Variants in LINGO2 observed in about 807,000 individuals in gnomAD.
LINGO2 encodes the protein leucine-rich repeat and immunoglobulin-like domain-containing nogo receptor-interacting protein 2.
In LINGO2, 14 loss-of-function variants were observed where a neutral mutation model predicts 30.6. The observed-to-expected ratio is 0.46, with a 90% CI of 0.30 to 0.72. The LOEUF is 0.72. LINGO2 is among the 30% of genes least tolerant of loss of function. The pLI is 0.07. For synonymous variants in LINGO2, 317 were observed against 288.5 expected (o/e 1.10, Z -1.00); for missense variants, 729 against 751.7 (o/e 0.97, Z 0.35).
At chr9:28,976,848 T>A in the LINGO2 span, among the ~76,000 whole-genome samples, 1 of 152,168 alleles carries the variant, frequency 6.6e-6, no homozygotes, top group African/African-American at 2.4e-5. Flanking sequence ...AGGAATGAAA[T>A]GGTCTATCAG....
At chr9:28,467,083 T>C (rs1587713214) in intron 2 of LINGO2, among the ~76,000 whole-genome samples, 1 of 151,098 alleles carries the variant, frequency 6.6e-6, no homozygotes, top group South Asian at 2.1e-4. Context: ...TAGAGTGCAG[T>C]GGCGCCATCT....
At chr9:29,160,473 T>C in the LINGO2 span, among the ~76,000 whole-genome samples, 1 of 152,230 alleles carries the variant, frequency 6.6e-6, no homozygotes, top group Non-Finnish European at 1.5e-5. Context: ...TTTGAAATGG[T>C]CTAAAATTAA....
chr9:28,200,343 A>AG (rs1249922087), intron 4 of LINGO2, among the ~76,000 whole-genome samples: 3 of 152,136 alleles, frequency 2.0e-5, no homozygotes, highest in Non-Finnish European at 4.4e-5. Context: ...TATTACGTTT[A>AG]GGGGAAAAAA....
At chr9:28,200,602 G>A (rs1820194662) in intron 4 of LINGO2, among the ~76,000 whole-genome samples, 1 of 152,192 alleles carries the variant, frequency 6.6e-6, no homozygotes, top group African/African-American at 2.4e-5. Context: ...GCAAAGGTAT[G>A]ACTCTCATTA....
chr9:29,004,204 T>C, the LINGO2 span, among the ~76,000 whole-genome samples: 1 of 152,038 alleles, frequency 6.6e-6, no homozygotes, highest in Admixed American at 6.6e-5. Flanking sequence ...ATGCTCATTT[T>C]ACCCTTTATA....
At chr9:29,163,304 C>T in the LINGO2 span, among the ~76,000 whole-genome samples, 3 of 152,078 alleles carry the variant, frequency 2.0e-5, no homozygotes, top group Non-Finnish European at 4.4e-5. Flanking sequence ...CAGAAAAGTT[C>T]TAATTCTCCC....
the LINGO2 span, among the ~76,000 whole-genome samples, chr9:28,801,254 G>A: frequency 3.9e-5 from 6 of 152,008 alleles, no homozygotes; most frequent in Non-Finnish European, 7.4e-5. Flanking sequence ...CAAGATAGGT[G>A]GGGGCAACCT....
the LINGO2 span, among the ~76,000 whole-genome samples, chr9:28,809,460 G>C: frequency 1.3e-5 from 2 of 152,066 alleles, no homozygotes; most frequent in Non-Finnish European, 2.9e-5. Context: ...AAAAATGCTA[G>C]GATGGCTGGG....
chr9:28,962,325 A>C, the LINGO2 span, among the ~76,000 whole-genome samples: 1 of 152,100 alleles, frequency 6.6e-6, no homozygotes, highest in Admixed American at 6.6e-5. Context: ...ATTTAAAACT[A>C]AATAATTTAT....
chr9:28,731,249 A>G, the LINGO2 span, among the ~76,000 whole-genome samples: 2 of 152,042 alleles, frequency 1.3e-5, no homozygotes, highest in Non-Finnish European at 2.9e-5. Context: ...TCGGCCTCCC[A>G]AGGTGTTGGG....
At chr9:29,065,785 G>A in the LINGO2 span, among the ~76,000 whole-genome samples, 8 of 151,706 alleles carry the variant, frequency 5.3e-5, no homozygotes, top group South Asian at 2.1e-4. Context: ...CCATATAAGC[G>A]GAAATTCCCT....
intron 3 of LINGO2, among the ~76,000 whole-genome samples, chr9:28,303,647 A>C (rs1164996971): frequency 6.6e-6 from 1 of 152,182 alleles, no homozygotes; most frequent in Non-Finnish European, 1.5e-5. Context: ...TAATCTTACA[A>C]TAAATTAAGC....
At chr9:28,070,868 T>C (rs748895013) in intron 4 of LINGO2, among the ~76,000 whole-genome samples, 44 of 152,104 alleles carry the variant, frequency 2.9e-4, no homozygotes, top group Admixed American at 3.9e-4. Flanking sequence ...TGAGTAATCA[T>C]GTCTGCCTAT....
intron 3 of LINGO2, among the ~76,000 whole-genome samples, chr9:28,361,653 A>T (rs889936972): frequency 6.8e-6 from 1 of 146,908 alleles, no homozygotes; most frequent in Admixed American, 6.7e-5. Flanking sequence ...TTTTTGAACA[A>T]AAAAAAAAGC....
At chr9:28,573,206 A>G (rs1342517079) in intron 1 of LINGO2, among the ~76,000 whole-genome samples, 1 of 152,194 alleles carries the variant, frequency 6.6e-6, no homozygotes, top group Non-Finnish European at 1.5e-5. Context: ...TCAGTCACAT[A>G]AGTAAAGAGA....
the LINGO2 span, among the ~76,000 whole-genome samples, chr9:28,741,281 G>A: frequency 6.6e-6 from 1 of 151,982 alleles, no homozygotes; most frequent in African/African-American, 2.4e-5. Context: ...GAAGTCAGGG[G>A]TGGTGACCTG....
chr9:28,274,503 T>A (rs1823049100), intron 4 of LINGO2, among the ~76,000 whole-genome samples: 1 of 152,240 alleles, frequency 6.6e-6, no homozygotes, highest in Admixed American at 6.5e-5. Flanking sequence ...CATAATGCTA[T>A]CTGAACTGTG....
At chr9:29,062,356 A>G in the LINGO2 span, among the ~76,000 whole-genome samples, 2 of 152,146 alleles carry the variant, frequency 1.3e-5, no homozygotes, top group South Asian at 2.1e-4. Context: ...GAAAGAATTA[A>G]AAGCAGGGCT....
chr9:28,646,442 C>G (rs187401018), intron 1 of LINGO2, among the ~76,000 whole-genome samples: 1 of 152,022 alleles, frequency 6.6e-6, no homozygotes, highest in African/African-American at 2.4e-5. Flanking sequence ...GAGATTTGAA[C>G]AATTAACACC....
Sources: allele counts gnomAD v4.1 joint callset (sites outside exome capture counted in the v4.1 genomes callset), GRCh38; gene constraint gnomAD v4.1.1; transcripts MANE v1.5; gene names NCBI Gene and HGNC (gene_info 2026-07-23, HGNC 2026-07-21).